The following PCDHA6 variants were observed in gnomAD, a reference collection of about 807,000 sequenced individuals.
PCDHA6 encodes protocadherin alpha 6, also known as protocadherin alpha-6.
A neutral mutation model predicts 60.3 loss-of-function variants in PCDHA6; 55 were observed. The observed-to-expected ratio is 0.91, with a 90% CI of 0.73 to 1.14. The LOEUF (loss-of-function observed/expected upper bound fraction) is 1.14, where lower values mean the gene tolerates loss of function less well. Among genes scored for constraint, PCDHA6 ranks in the 50% most tolerant of loss-of-function variants. The probability of loss-of-function intolerance (pLI) is 0.00; values close to 1 mark genes in which losing one functional copy is unlikely to be tolerated. For missense variants in PCDHA6, 1,327 were observed against 1,256.5 expected (o/e 1.06, Z -0.85); for synonymous variants, 652 against 557.9 (o/e 1.17, Z -2.38).
Position 141,010,460 on chromosome 5 carries a change from A to G in PCDHA6, c.*523A>G. ...AGACAAATAAACAGCGGAAGTTATC[A>G]GTATGGAGGGGAAGTGTAAACTTAA... On this transcript the variant is annotated 3_prime_UTR_variant, in exon 4 of 4. Coordinates refer to ENST00000529310, the MANE Select transcript of PCDHA6 (RefSeq NM_018909.4). The G allele has an allele frequency of 1.2e-6, 1 of 835,130 alleles. No individual in the cohort carries two copies. The highest frequency in any genetic ancestry group is 1.8e-6 in the Non-Finnish European group (1 of 562,732). The allele number at this position is 835,130 out of a possible 1,614,324, so 51.7% of individuals were successfully genotyped here.
intron 3 of PCDHA6, among the ~76,000 whole-genome samples, chr5:141,007,451 C>A (rs2098330384): frequency 6.6e-6 from 1 of 151,640 alleles, no homozygotes; most frequent in Non-Finnish European, 1.5e-5. Context: ...GCCTGTAGTC[C>A]CAGCTACTCA....
rs2150157344 is a variant in PCDHA6, at chr5:140,828,611, T to A, written c.520T>A (p.Ser174Thr). Residue 174 changes from serine (S) to threonine (T), a missense_variant, in exon 1 of 4, where the codon TCT becomes ACT. Coordinates refer to ENST00000529310, the MANE Select transcript of PCDHA6 (RefSeq NM_018909.4). ...SNSILTYKLS[S>T]SEYFGLDVKI... ...TTCCATCTTAACCTATAAACTCAGT[T>A]CTAGCGAATACTTCGGGCTAGATGT... 1 of 1,614,202 alleles carries A rather than the reference T, an allele frequency of 6.2e-7. No homozygotes were observed. The highest frequency in any genetic ancestry group is 8.5e-7 in the Non-Finnish European group (1 of 1,180,042).
At chr5:140,862,906 C>A in intron 1 of PCDHA6, 1 of 554,064 alleles carries the variant, frequency 1.8e-6, no homozygotes, top group Non-Finnish European at 3.5e-6. Flanking sequence ...GTCTGCGCTG[C>A]TGGCGCCTTG....
At chr5:140,840,247 T>C (rs1554137745) in intron 1 of PCDHA6, among the ~76,000 whole-genome samples, 1 of 152,032 alleles carries the variant, frequency 6.6e-6, no homozygotes, top group African/African-American at 2.4e-5. Context: ...CACTATGCTA[T>C]AAAAATTGTG....
At chr5:140,905,116 C>A (rs570992369) in intron 1 of PCDHA6, among the ~76,000 whole-genome samples, 1 of 152,282 alleles carries the variant, frequency 6.6e-6, no homozygotes, top group Non-Finnish European at 1.5e-5. Context: ...TTGCCTAAGC[C>A]AATGTCTAGA....
chr5:140,891,767 A>C (rs1350557618), intron 1 of PCDHA6, among the ~76,000 whole-genome samples: 2 of 152,156 alleles, frequency 1.3e-5, no homozygotes, highest in African/African-American at 2.4e-5. Context: ...GAGGTGGGGA[A>C]TTTCAGGAAA....
rs2150345601 is a variant in PCDHA6 at position 140,842,829 on chromosome 5, C to G, written c.2394+12344C>G. Reference sequence around the variant, plus strand: ...GTGGAGCGGCGGGTGGGCGAGCGCTCGCTGTCGAGCTACATTTCGGTGCAC... The same window carrying G: ...GTGGAGCGGCGGGTGGGCGAGCGCTGGCTGTCGAGCTACATTTCGGTGCAC... On this transcript the variant is annotated intron_variant, in intron 1 of 3. Coordinates refer to ENST00000529310, the MANE Select transcript of PCDHA6 (RefSeq NM_018909.4). The G allele has an allele frequency of 8.8e-6, 14 of 1,593,636 alleles. 2 individuals are homozygous for G. The highest frequency in any genetic ancestry group is 1.1e-5 in the South Asian group (1 of 90,422).
chr5:140,972,829 A>G (rs1554234573), intron 1 of PCDHA6, among the ~76,000 whole-genome samples: 1 of 151,808 alleles, frequency 6.6e-6, no homozygotes, highest in Non-Finnish European at 1.5e-5. Flanking sequence ...ACGCCTGGCT[A>G]ATTTTTGTAT....
chr5:140,977,429 C>T (rs143756065), intron 1 of PCDHA6, among the ~76,000 whole-genome samples: 9 of 152,228 alleles, frequency 5.9e-5, no homozygotes, highest in South Asian at 2.1e-4. Context: ...CCTCTAACAC[C>T]GCTAGTAGAT....
chr5:140,994,772 G>C (rs2097648880), intron 3 of PCDHA6, among the ~76,000 whole-genome samples: 2 of 152,118 alleles, frequency 1.3e-5, no homozygotes, highest in Non-Finnish European at 1.5e-5. Context: ...GAGAATTCCA[G>C]GCAAAGGAAA....
chr5:140,828,726 T>C lies in PCDHA6; in HGVS notation c.635T>C (p.Leu212Pro). Residue 212 changes from leucine (L) to proline (P), a missense_variant, in exon 1 of 4, where the codon CTG becomes CCG. Transcript: ENST00000529310. ...REEAPAHNLF[L>P]TATDGGKPEL... is the part of the protein sequence containing the mutation. ...GAAGCTCCTGCACACAACTTATTCC[T>C]GACAGCCACAGATGGGGGCAAACCT... 1 of 1,614,236 alleles carries C rather than the reference T, an allele frequency of 6.2e-7. No individual in the cohort carries two copies. The highest frequency in any genetic ancestry group is 8.5e-7 in the Non-Finnish European group (1 of 1,180,038).
intron 1 of PCDHA6, among the ~76,000 whole-genome samples, chr5:140,963,229 G>A (rs1211084766): frequency 2.6e-5 from 4 of 152,134 alleles, no homozygotes; most frequent in African/African-American, 7.2e-5. Context: ...AGTAGACACT[G>A]TTTGATGGAT....
chr5:140,874,158 G>T (rs986617459), intron 1 of PCDHA6, among the ~76,000 whole-genome samples: 8 of 152,108 alleles, frequency 5.3e-5, no homozygotes, highest in African/African-American at 1.7e-4. Context: ...GCCATTCTTG[G>T]TTACTCTTTC....
In PCDHA6 at chr5:140,928,114, A is replaced by C. The variant is rs200013855; in HGVS notation, c.2395-50835A>C. ...TGATGGGCCCCTGGACCGGGAGCAG[A>C]TCAGTGAATACCAAGTCCTGATCAC... On this transcript the variant is annotated intron_variant, in intron 1 of 3. Coordinates refer to ENST00000529310, the MANE Select transcript of PCDHA6 (RefSeq NM_018909.4). 280 of 1,614,088 alleles carry C rather than the reference A, an allele frequency of 1.7e-4. No individual in the cohort carries two copies. Among genetic ancestry groups the C allele is most frequent in the Middle Eastern group, 6.6e-4 (4 of 6,084 alleles).
intron 1 of PCDHA6, chr5:140,837,064 G>A: frequency 5.4e-6 from 1 of 186,332 alleles, no homozygotes; most frequent in Non-Finnish European, 1.1e-5. Context: ...TCCATATTTT[G>A]ATAATCAATA....
chr5:140,883,762 G>T, intron 1 of PCDHA6: 3 of 1,612,794 alleles, frequency 1.9e-6, no homozygotes, highest in Non-Finnish European at 2.5e-6. Context: ...TGGAGCGGCG[G>T]GTGGGCGAGC....
chr5:140,944,301 C>T (rs1320988632), intron 1 of PCDHA6, among the ~76,000 whole-genome samples: 1 of 152,176 alleles, frequency 6.6e-6, no homozygotes, highest in Non-Finnish European at 1.5e-5. Flanking sequence ...GATCCTCCTA[C>T]CTCAGCCTCC....
At chr5:140,926,693 C>T (rs576013331) in intron 1 of PCDHA6, 12 of 742,944 alleles carry the variant, frequency 1.6e-5, no homozygotes, top group African/African-American at 9.2e-5. Context: ...CTAGCAAGCC[C>T]GGCTCCCAGC....
chr5:140,836,207 G>A, intron 1 of PCDHA6: 1 of 1,613,844 alleles, frequency 6.2e-7, no homozygotes, highest in Non-Finnish European at 8.5e-7. Context: ...CGTGGCTTTC[G>A]TATGAGTTGC....
Sources: gnomAD v4.1 joint callset for allele counts (sites outside exome capture counted in the v4.1 genomes callset) on GRCh38, gnomAD v4.1.1 for gene constraint, MANE v1.5 for transcripts, NCBI Gene and HGNC (gene_info 2026-07-23, HGNC 2026-07-21) for gene names.